ZFPM2: variants seen among roughly 807,000 people sequenced by gnomAD.
The protein encoded by ZFPM2 is zinc finger protein ZFPM2.
In ZFPM2, 20 loss-of-function variants were observed where a neutral mutation model predicts 98.6. The ratio of observed to expected loss-of-function variants is 0.20; its 90% CI spans 0.14 to 0.29. The LOEUF is 0.29. Among genes scored for constraint, ZFPM2 ranks in the 10% least tolerant of loss-of-function variants. The pLI, the probability that ZFPM2 is intolerant of heterozygous loss-of-function variation, is 1.00. For synonymous variants in ZFPM2, 518 were observed against 502.7 expected (o/e 1.03, Z -0.41); for missense variants, 1,310 against 1,388.6 (o/e 0.94, Z 0.90).
intron 6 of ZFPM2, among the ~76,000 whole-genome samples, chr8:105,793,977 T>C (rs542465745): frequency 4.6e-5 from 7 of 152,250 alleles, no homozygotes; most frequent in African/African-American, 1.4e-4. Flanking sequence ...TATACATTCG[T>C]CTAAATTTTT....
chr8:105,400,097 A>G (rs187156191), intron 1 of ZFPM2, among the ~76,000 whole-genome samples: 19 of 152,124 alleles, frequency 1.2e-4, no homozygotes, highest in African/African-American at 4.6e-4. Context: ...TTGCTTTCTT[A>G]TATAAATTTA....
At chr8:105,387,709 G>GGCCTC (rs1210439359) in intron 1 of ZFPM2, 1 of 157,186 alleles carries the variant, frequency 6.4e-6, no homozygotes, top group East Asian at 1.9e-4. Context: ...AGCCGGCTCC[G>GGCCTC]GCCTCGGCCA....
At chr8:105,724,689 T>A (rs1247159759) in intron 5 of ZFPM2, among the ~76,000 whole-genome samples, 4 of 151,910 alleles carry the variant, frequency 2.6e-5, no homozygotes, top group African/African-American at 9.7e-5. Context: ...TACATTTGTT[T>A]AAATTTCTCT....
chr8:105,331,922 C>T (rs144329271), intron 1 of ZFPM2, among the ~76,000 whole-genome samples: 30 of 151,840 alleles, frequency 2.0e-4, no homozygotes, highest in African/African-American at 6.5e-4. Context: ...TTCCAGTGGA[C>T]ATCCCTTTGC....
intron 1 of ZFPM2, among the ~76,000 whole-genome samples, chr8:105,381,649 C>G (rs1810892091): frequency 6.6e-6 from 1 of 152,020 alleles, no homozygotes; most frequent in African/African-American, 2.4e-5. Flanking sequence ...TGGTTTTTGA[C>G]TGAAGGTCTT....
At chr8:105,795,599 CA>C (rs909734539) in intron 6 of ZFPM2, among the ~76,000 whole-genome samples, 2 of 139,806 alleles carry the variant, frequency 1.4e-5, no homozygotes, top group Non-Finnish European at 3.0e-5. Context: ...TCTGCTAATG[CA>C]AAAAGGTTAA....
At chr8:105,328,804 A>G (rs2130662799) in intron 1 of ZFPM2, among the ~76,000 whole-genome samples, 1 of 151,886 alleles carries the variant, frequency 6.6e-6, no homozygotes, top group African/African-American at 2.4e-5. Flanking sequence ...GCTTACATTG[A>G]CATAAAAATA....
At chr8:105,320,908 A>T (rs1563602203) in intron 1 of ZFPM2, among the ~76,000 whole-genome samples, 1 of 152,202 alleles carries the variant, frequency 6.6e-6, no homozygotes. Flanking sequence ...GTGAACAAAT[A>T]TATTTATATA....
At chr8:105,791,175 C>G (rs1255770649) in intron 6 of ZFPM2, among the ~76,000 whole-genome samples, 1 of 152,082 alleles carries the variant, frequency 6.6e-6, no homozygotes, top group Non-Finnish European at 1.5e-5. Flanking sequence ...TGCCAGTTTT[C>G]AAAGGGAATG....
rs1271064207 is a variant in ZFPM2, at chr8:105,798,577, GAAC to G, written c.740-142_740-140del. 7.7e-6 allele frequency: 5 copies of G among 649,696 alleles called. No individual in the cohort carries two copies. In the East Asian group the frequency reaches 8.2e-5, roughly 11 times the overall value. 40.2% of individuals were successfully genotyped at this position (649,696 alleles called of 1,614,324 possible). A position where few individuals can be genotyped will look rare whatever the true frequency, so the allele number is the denominator to read the frequency against. On this transcript the variant is annotated intron_variant, in intron 6 of 7. Transcript: ENST00000407775. ...TTTAAAAGTCGAGTCCTATGCTGTA[GAAC>G]AACACCAAAGACTGTTACTCATCTG... is the stretch of plus-strand genomic sequence containing the variant.
At chr8:105,752,950 G>A (rs922995857) in intron 5 of ZFPM2, among the ~76,000 whole-genome samples, 1 of 152,122 alleles carries the variant, frequency 6.6e-6, no homozygotes, top group African/African-American at 2.4e-5. Context: ...AGGGCCAGGA[G>A]CAAAGCTCAG....
chr8:105,333,181 A>G (rs1356413061), intron 1 of ZFPM2, among the ~76,000 whole-genome samples: 1 of 151,774 alleles, frequency 6.6e-6, no homozygotes, highest in Non-Finnish European at 1.5e-5. Flanking sequence ...TGTGAAGTTT[A>G]ACAATTATTA....
At chr8:105,688,550 T>C (rs1354614682) in intron 5 of ZFPM2, among the ~76,000 whole-genome samples, 1 of 152,120 alleles carries the variant, frequency 6.6e-6, no homozygotes, top group African/African-American at 2.4e-5. Flanking sequence ...TAATTTAAAA[T>C]GTTGAGCAAG....
chr8:105,563,854 G>A (rs1253701507), intron 4 of ZFPM2, among the ~76,000 whole-genome samples: 1 of 152,060 alleles, frequency 6.6e-6, no homozygotes, highest in African/African-American at 2.4e-5. Flanking sequence ...TTCTTCAAAA[G>A]TGTACTGACA....
intron 3 of ZFPM2, among the ~76,000 whole-genome samples, chr8:105,542,002 A>G (rs1814584714): frequency 6.6e-6 from 1 of 152,166 alleles, no homozygotes; most frequent in Non-Finnish European, 1.5e-5. Context: ...CTTTGTATAT[A>G]TGGGAAAATA....
chr8:105,780,256 T>C, intron 5 of ZFPM2: 1 of 152,218 alleles, frequency 6.6e-6, no homozygotes, highest in Non-Finnish European at 1.5e-5. Flanking sequence ...AGGTATCAGA[T>C]AGCTGCTTCA....
chr8:105,616,207 T>C (rs1399365862), intron 4 of ZFPM2, among the ~76,000 whole-genome samples: 2 of 152,114 alleles, frequency 1.3e-5, no homozygotes, highest in Non-Finnish European at 2.9e-5. Context: ...TTTTTACATT[T>C]GATAAGTACT....
chr8:105,359,852 T>C (rs1183711727), intron 1 of ZFPM2, among the ~76,000 whole-genome samples: 1 of 152,250 alleles, frequency 6.6e-6, no homozygotes, highest in Non-Finnish European at 1.5e-5. Flanking sequence ...ATAAGTTTCA[T>C]CTGTTTTTCT....
rs961893812 is a variant in ZFPM2, at chr8:105,751,735, C to T, written c.533-36983C>T. Among the ~76,000 whole-genome samples, 9 of 150,728 alleles carry T rather than the reference C, an allele frequency of 6.0e-5. No individual in the cohort carries two copies. The South Asian group carries it at 6.3e-4, about 11-fold the overall frequency. On this transcript the variant is annotated intron_variant, in intron 5 of 7. Transcript: ENST00000407775. ...GGAGTTTATGAGCGATGGAGGGCTA[C>T]GTTTATGTAGCTTTTAAAATGGATG...
Sources: allele counts gnomAD v4.1 joint callset (sites outside exome capture counted in the v4.1 genomes callset), GRCh38; gene constraint gnomAD v4.1.1; transcripts MANE v1.5; gene names NCBI Gene and HGNC (gene_info 2026-07-23, HGNC 2026-07-21).